Variants in ENTREP2 observed in about 807,000 individuals in gnomAD.
ENTREP2 encodes endosomal transmembrane epsin interactor 2, also known as protein ENTREP2.
the ENTREP2 span, among the ~76,000 whole-genome samples, chr15:29,530,251 C>T: frequency 3.9e-5 from 6 of 152,112 alleles, no homozygotes; most frequent in African/African-American, 1.2e-4. Flanking sequence ...CCCTGAGCCT[C>T]GCCCAGAGCA....
At chr15:29,158,638 T>C in the ENTREP2 span, among the ~76,000 whole-genome samples, 2 of 152,160 alleles carry the variant, frequency 1.3e-5, no homozygotes, top group African/African-American at 4.8e-5. Context: ...CTCTGCTTTT[T>C]GAAAGTTTTA....
At chr15:29,403,377 A>G in the ENTREP2 span, among the ~76,000 whole-genome samples, 2 of 152,192 alleles carry the variant, frequency 1.3e-5, no homozygotes, top group Admixed American at 6.5e-5. Context: ...AGTATTACAT[A>G]AACCATTTGC....
At chr15:29,386,594 AT>A in the ENTREP2 span, among the ~76,000 whole-genome samples, 1 of 152,218 alleles carries the variant, frequency 6.6e-6, no homozygotes, top group Non-Finnish European at 1.5e-5. Context: ...TAGGGACTAA[AT>A]GTATGTGACC....
At chr15:29,202,647 CCT>C in the ENTREP2 span, among the ~76,000 whole-genome samples, 1 of 152,062 alleles carries the variant, frequency 6.6e-6, no homozygotes, top group Non-Finnish European at 1.5e-5. Context: ...GCCCCCAACC[CCT>C]GACAGGCCCT....
chr15:29,645,101 G>A, the ENTREP2 span, among the ~76,000 whole-genome samples: 1 of 152,074 alleles, frequency 6.6e-6, no homozygotes, highest in South Asian at 2.1e-4. Context: ...AACTTAAGAG[G>A]AACACCAAAT....
the ENTREP2 span, among the ~76,000 whole-genome samples, chr15:29,425,177 C>T: frequency 6.7e-6 from 1 of 149,686 alleles, no homozygotes; most frequent in Non-Finnish European, 1.5e-5. Flanking sequence ...TACAGGCACC[C>T]ACCACCACGT....
At chr15:29,377,224 AG>A in the ENTREP2 span, among the ~76,000 whole-genome samples, 1 of 152,168 alleles carries the variant, frequency 6.6e-6, no homozygotes, top group Non-Finnish European at 1.5e-5. Context: ...GTCCCAGGGC[AG>A]GGTACTTTGC....
At chr15:29,491,908 G>A in the ENTREP2 span, among the ~76,000 whole-genome samples, 2 of 152,032 alleles carry the variant, frequency 1.3e-5, no homozygotes, top group African/African-American at 4.8e-5. Context: ...ACTCAACTGA[G>A]GGGAAAAAAC....
At chr15:29,234,125 T>C in the ENTREP2 span, 50 of 1,538,206 alleles carry the variant, frequency 3.3e-5, no homozygotes, top group Non-Finnish European at 4.0e-5. Flanking sequence ...CAATGACACA[T>C]TGGGACTCTG....
the ENTREP2 span, among the ~76,000 whole-genome samples, chr15:29,559,204 T>A: frequency 6.6e-6 from 1 of 152,044 alleles, no homozygotes; most frequent in Non-Finnish European, 1.5e-5. Flanking sequence ...TTGTGATCGA[T>A]CCAGTTACAG....
chr15:29,346,289 G>A, the ENTREP2 span, among the ~76,000 whole-genome samples: 6 of 152,344 alleles, frequency 3.9e-5, no homozygotes, highest in East Asian at 1.2e-3. Flanking sequence ...CTCTGAGAGA[G>A]AGGGTTTGAG....
the ENTREP2 span, among the ~76,000 whole-genome samples, chr15:29,568,034 T>C: frequency 2.0e-5 from 3 of 152,324 alleles, no homozygotes; most frequent in Admixed American, 6.5e-5. Flanking sequence ...CAGGCATATA[T>C]ATGGCAATGG....
the ENTREP2 span, among the ~76,000 whole-genome samples, chr15:29,402,265 T>TATAC: frequency 5.1e-5 from 7 of 137,792 alleles, 1 homozygote; most frequent in Middle Eastern, 7.8e-3. Context: ...TATATATATA[T>TATAC]ACACACACAT....
the ENTREP2 span, among the ~76,000 whole-genome samples, chr15:29,436,913 A>G: frequency 6.6e-6 from 1 of 152,358 alleles, no homozygotes; most frequent in Non-Finnish European, 1.5e-5. Context: ...TCAAACGGTC[A>G]TATTTACTTT....
At chr15:29,213,666 T>G in the ENTREP2 span, among the ~76,000 whole-genome samples, 1 of 152,166 alleles carries the variant, frequency 6.6e-6, no homozygotes, top group East Asian at 1.9e-4. Context: ...CTGAATTTGC[T>G]TATCAGCTTA....
chr15:29,183,085 A>G, the ENTREP2 span, among the ~76,000 whole-genome samples: 1 of 152,186 alleles, frequency 6.6e-6, no homozygotes, highest in Non-Finnish European at 1.5e-5. Flanking sequence ...CAACACTAAA[A>G]GGACACATCA....
chr15:29,538,560 T>C, the ENTREP2 span, among the ~76,000 whole-genome samples: 1 of 145,912 alleles, frequency 6.9e-6, no homozygotes, highest in Admixed American at 7.3e-5. Flanking sequence ...TTTGGGAGGC[T>C]GAGGCGGGCA....
the ENTREP2 span, among the ~76,000 whole-genome samples, chr15:29,649,727 C>CAAAAAAAAAAAAAAAAAAAAAAAAAAA: frequency 1.5e-5 from 1 of 66,956 alleles, no homozygotes; most frequent in Non-Finnish European, 3.2e-5. Flanking sequence ...TCAACAACAA[C>CAAAAAAAAAAAAAAAAAAAAAAAAAAA]AAAAAAAAAA....
At chr15:29,580,799 GTATT>G in the ENTREP2 span, among the ~76,000 whole-genome samples, 2 of 152,080 alleles carry the variant, frequency 1.3e-5, no homozygotes, top group Non-Finnish European at 2.9e-5. Flanking sequence ...TTCACAATGG[GTATT>G]TATTTGAATT....
Sources: allele counts gnomAD v4.1 joint callset (sites outside exome capture counted in the v4.1 genomes callset), GRCh38; gene constraint gnomAD v4.1.1; transcripts MANE v1.5; gene names NCBI Gene and HGNC (gene_info 2026-07-23, HGNC 2026-07-21).